The following NSD2 variants were observed in gnomAD, a reference collection of about 807,000 sequenced individuals.
NSD2 encodes the protein nuclear receptor binding SET domain protein 2.
A neutral mutation model predicts 139.0 loss-of-function variants in NSD2; 12 were observed. The ratio of observed to expected loss-of-function variants is 0.09; its 90% confidence interval spans 0.06 to 0.14. The LOEUF (loss-of-function observed/expected upper bound fraction) is 0.14, where lower values mean the gene tolerates loss of function less well. Ranked by LOEUF, NSD2 falls within the 10% of genes least tolerant of loss-of-function variation. The pLI is 1.00. For synonymous variants in NSD2, 669 were observed against 648.7 expected, an observed-to-expected ratio of 1.03 and a Z score of -0.48; for missense variants, 1,155 against 1,745.0, an observed-to-expected ratio of 0.66 and a Z score of 6.02.
intron 3 of NSD2, among the ~76,000 whole-genome samples, chr4:1,904,680 A>C (rs547293824): frequency 6.6e-6 from 1 of 152,362 alleles, no homozygotes; most frequent in East Asian, 1.9e-4. Context: ...GATGATTTGC[A>C]GCAAGAGTGT....
rs76431401 is a variant in NSD2, at chr4:1,973,820, C to G, written c.3373-1043C>G. Among the ~76,000 whole-genome samples, 4 of 152,228 alleles carry G rather than the reference C, an allele frequency of 2.6e-5. No individual in the cohort carries two copies. Among genetic ancestry groups the G allele is most frequent in the African/African-American group, 4.8e-5 (2 of 41,464 alleles). ...GTTTTGTTTGAACACGTGACTGTTA[C>G]GCTTTATGTGGCCTTTTGATTTCTC... On this transcript the variant is annotated intron_variant, in intron 18 of 21. Coordinates refer to ENST00000508803, the MANE Select transcript of NSD2 (RefSeq NM_001042424.3). This position sits in a 1 kb window ranked among gnomAD's most constrained non-coding sequence, Gnocchi z 5.5.
chr4:1,877,418 G>T (rs533439993), intron 1 of NSD2, among the ~76,000 whole-genome samples: 1 of 152,252 alleles, frequency 6.6e-6, no homozygotes, highest in Admixed American at 6.5e-5. Context: ...GACTCTCACT[G>T]CACTACTTGT....
At position 1,972,019 on chromosome 4, in the gene NSD2, C is replaced by T. The variant is rs180725047; in HGVS notation, c.3373-2844C>T. 1.9e-3 allele frequency among the ~76,000 whole-genome samples: 289 copies of T among 152,252 alleles called. 1 individual carries two copies. Among genetic ancestry groups the T allele is most frequent in the Non-Finnish European group, 3.4e-3 (234 of 68,012 alleles). ...CGCCGCTCCTGTACCCCCAAGGCTG[C>T]GGGTGCTGGGTGATGCAGGCAGGGC... On this transcript the variant is annotated intron_variant, in intron 18 of 21. Coordinates refer to ENST00000508803, the MANE Select transcript of NSD2 (RefSeq NM_001042424.3). This position sits in a 1 kb window ranked among gnomAD's most constrained non-coding sequence, Gnocchi z 4.0.
At chr4:1,881,510 G>T (rs979220187) in intron 1 of NSD2, among the ~76,000 whole-genome samples, 2 of 152,062 alleles carry the variant, frequency 1.3e-5, no homozygotes, top group East Asian at 3.9e-4. Context: ...TGATCCACCC[G>T]CCTCGGCCTC....
chr4:1,905,480 C>CT (rs1717769949), intron 3 of NSD2, among the ~76,000 whole-genome samples: 1 of 152,272 alleles, frequency 6.6e-6, no homozygotes, highest in Admixed American at 6.5e-5. Flanking sequence ...TGGTCTCTGG[C>CT]TGGAGGCCTG....
intron 1 of NSD2, among the ~76,000 whole-genome samples, chr4:1,878,913 T>C (rs1169182632): frequency 2.6e-5 from 4 of 152,164 alleles, no homozygotes; most frequent in Admixed American, 2.6e-4. Flanking sequence ...GTGAGAGTGG[T>C]GCAGGAGAGG....
rs1471813058 is a variant in NSD2, at chr4:1,981,261, C to A, written c.*2352C>A. ...ACTAACTTTGAATGTCTCTACAATA[C>A]CCGTTGATAACTCAGTGGAGCCAGG... On this transcript the variant is annotated 3_prime_UTR_variant, in exon 22 of 22. Transcript: ENST00000508803. The A allele has an allele frequency of 4.3e-6, 1 of 233,168 alleles. No homozygotes were observed. Among genetic ancestry groups the A allele is most frequent in the Admixed American group, 5.6e-5 (1 of 17,776 alleles). The allele number at this position is 233,168 out of a possible 1,614,324, so 14.4% of individuals were successfully genotyped here. A position where few individuals can be genotyped will look rare whatever the true frequency, so the allele number is the denominator to read the frequency against.
rs752377919 is a variant in NSD2, at chr4:1,872,564, TTGTG to T, written c.-30+1047_-30+1050del. 7.0e-3 allele frequency among the ~76,000 whole-genome samples: 704 copies of T among 101,008 alleles called. 10 individuals are homozygous for T. The highest frequency in any genetic ancestry group is 0.02 in the African/African-American group (537 of 26,920). 66.3% of individuals were successfully genotyped at this position (101,008 alleles called of 152,430 possible). On this transcript the variant is annotated intron_variant, in intron 1 of 21. Transcript: ENST00000508803. The stretch of plus-strand genomic sequence containing the variant: ...CGTTTTTAGGTAGATAACGTGTATT[TTGTG>T]TGTGTGTGTGTGTGTGTGTGTGTGA...
intron 5 of NSD2, among the ~76,000 whole-genome samples, chr4:1,924,859 C>T (rs1181945702): frequency 1.3e-5 from 2 of 152,166 alleles, no homozygotes; most frequent in East Asian, 1.9e-4. Flanking sequence ...CCTGGAAGGT[C>T]GAGGCTGCAG....
chr4:1,941,882 C>CT (rs745459070), intron 9 of NSD2: 3 of 1,062,894 alleles, frequency 2.8e-6, no homozygotes, highest in Non-Finnish European at 3.4e-6. Context: ...TGCTGAATGC[C>CT]TGTTAGCATA....
intron 5 of NSD2, among the ~76,000 whole-genome samples, chr4:1,929,699 G>T (rs1162957134): frequency 6.6e-6 from 1 of 152,160 alleles, no homozygotes; most frequent in Non-Finnish European, 1.5e-5. Flanking sequence ...ATGTTTTTCA[G>T]ACATTGAACA....
intron 18 of NSD2, among the ~76,000 whole-genome samples, chr4:1,970,905 A>G (rs564647195): frequency 6.6e-6 from 1 of 152,396 alleles, no homozygotes; most frequent in Admixed American, 6.5e-5. Flanking sequence ...CTGAAAGCCC[A>G]TAGAAACAAG....
At position 1,972,094 on chromosome 4, in the gene NSD2, C is replaced by T. The variant is rs571603879; in HGVS notation, c.3373-2769C>T. Among the ~76,000 whole-genome samples the T allele has an allele frequency of 3.0e-4, 45 of 152,312 alleles. No homozygotes were observed. Among genetic ancestry groups the T allele is most frequent in the African/African-American group, 8.7e-4 (36 of 41,572 alleles). ...AAACAGTGTCTCTCGGAGAATGTGA[C>T]GGCTGTGTTTGGTGATGGCCTTATG... On this transcript the variant is annotated intron_variant, in intron 18 of 21. Coordinates refer to ENST00000508803, the MANE Select transcript of NSD2 (RefSeq NM_001042424.3). The surrounding 1 kb of genome is among the most constrained non-coding windows in gnomAD (Gnocchi z 4.0).
chr4:1,955,629 C>A lies in NSD2; in HGVS notation c.2519-64C>A. Reference sequence around the variant, plus strand: ...GCTGTAATAAGTGTAGACTGTGAAGCACTGAATCTGGGCTGAGCCATAGCA... The same window carrying A: ...GCTGTAATAAGTGTAGACTGTGAAGAACTGAATCTGGGCTGAGCCATAGCA... On this transcript the variant is annotated intron_variant, in intron 13 of 21. Transcript: ENST00000508803. The surrounding 1 kb of genome is among the most constrained non-coding windows in gnomAD (Gnocchi z 4.7). 1.3e-6 allele frequency: 2 copies of A among 1,522,714 alleles called. No homozygotes were observed. The highest frequency in any genetic ancestry group is 1.3e-5 in the South Asian group (1 of 79,496). The allele number at this position is 1,522,714 out of a possible 1,614,324, so 94.3% of individuals were successfully genotyped here.
rs1364950753 is a variant in NSD2 at position 1,981,395 on chromosome 4, C to T, written c.*2486C>T. ...GCTCTCGGCCCTGCCCAGCTTTGTT[C>T]TGAGGACGTGGTGACTTCCTGAACA... On this transcript the variant is annotated 3_prime_UTR_variant, in exon 22 of 22. Coordinates refer to ENST00000508803, the MANE Select transcript of NSD2 (RefSeq NM_001042424.3). The T allele has an allele frequency of 8.6e-6, 2 of 233,478 alleles. No individual in the cohort carries two copies. The highest frequency in any genetic ancestry group is 1.7e-5 in the Non-Finnish European group (2 of 118,284). 14.5% of individuals were successfully genotyped at this position (233,478 alleles called of 1,614,324 possible).
At chr4:1,916,130 G>T (rs1258588501) in intron 3 of NSD2, among the ~76,000 whole-genome samples, 1 of 152,074 alleles carries the variant, frequency 6.6e-6, no homozygotes, top group Non-Finnish European at 1.5e-5. Context: ...TGATGCTCCT[G>T]TCACTCTAGC....
chr4:1,873,152 G>A (rs1488897072), intron 1 of NSD2, among the ~76,000 whole-genome samples: 1 of 152,156 alleles, frequency 6.6e-6, no homozygotes, highest in African/African-American at 2.4e-5. Flanking sequence ...GCAACCTTCA[G>A]TTTTGGGCTG....
rs1317787489 is a variant in NSD2, at chr4:1,972,929, T to C, written c.3373-1934T>C. Among the ~76,000 whole-genome samples, 2 of 152,166 alleles carry C rather than the reference T, an allele frequency of 1.3e-5. No individual in the cohort carries two copies. The highest frequency in any genetic ancestry group is 2.9e-5 in the Non-Finnish European group (2 of 68,030). On this transcript the variant is annotated intron_variant, in intron 18 of 21. Transcript: ENST00000508803. The surrounding 1 kb of genome is among the most constrained non-coding windows in gnomAD (Gnocchi z 4.0). ...GTTCAGTGGCACAATCTCAGCTCAC[T>C]GCACCCTCTGCCTCACAGGTTCAAG...
chr4:1,905,303 C>T lies in NSD2; in HGVS notation c.760+925C>T, dbSNP rs567217581. On this transcript the variant is annotated intron_variant, in intron 3 of 21. Coordinates refer to ENST00000508803, the MANE Select transcript of NSD2 (RefSeq NM_001042424.3). ...TGAGCAAGTTGCGATGTGGCGAGTG[C>T]GGAGTTAGAACTGAGCAAGTTAGTG... is the stretch of plus-strand genomic sequence containing the variant. 3.3e-5 allele frequency among the ~76,000 whole-genome samples: 5 copies of T among 152,318 alleles called. No individual in the cohort carries two copies. In the South Asian group the frequency reaches 8.3e-4, roughly 25 times the overall value.
Sources: gnomAD v4.1 joint callset for allele counts (sites outside exome capture counted in the v4.1 genomes callset) on GRCh38, gnomAD v4.1.1 for gene constraint, Gnocchi (gnomAD v3.1) non-coding constraint, MANE v1.5 for transcripts, NCBI Gene and HGNC (gene_info 2026-07-23, HGNC 2026-07-21) for gene names.